Variants in NRG3 observed in about 807,000 individuals in gnomAD.
NRG3 encodes neuregulin 3, also known as pro-neuregulin-3, membrane-bound isoform.
Under a neutral mutation model 66.9 loss-of-function variants are expected in NRG3, and 31 were observed. The observed-to-expected ratio is 0.46, with a 90% confidence interval of 0.35 to 0.63. NRG3 has a LOEUF of 0.63. Ranked by LOEUF, NRG3 falls within the 20% of genes least tolerant of loss-of-function variation. The pLI is 0.00. For synonymous variants in NRG3, 393 were observed against 359.4 expected (o/e 1.09, Z -1.06); for missense variants, 910 against 878.9 (o/e 1.04, Z -0.45).
intron 1 of NRG3, among the ~76,000 whole-genome samples, chr10:82,171,483 G>A (rs1379252480): frequency 6.6e-6 from 1 of 152,110 alleles, no homozygotes; most frequent in South Asian, 2.1e-4. Context: ...ATAAATGGGA[G>A]TATGATGGAA....
chr10:81,987,228 G>C (rs891650850), intron 1 of NRG3, among the ~76,000 whole-genome samples: 4 of 152,002 alleles, frequency 2.6e-5, no homozygotes, highest in African/African-American at 9.7e-5. Flanking sequence ...GGGACTACAG[G>C]CGCACGCCAC....
chr10:82,935,317 T>C (rs1307292174), intron 4 of NRG3, among the ~76,000 whole-genome samples: 1 of 152,234 alleles, frequency 6.6e-6, no homozygotes, highest in African/African-American at 2.4e-5. Flanking sequence ...GATTTCTTCT[T>C]TCTTTCTTTG....
intron 2 of NRG3, among the ~76,000 whole-genome samples, chr10:82,441,187 G>A (rs1276399490): frequency 6.6e-6 from 1 of 152,124 alleles, no homozygotes; most frequent in African/African-American, 2.4e-5. Context: ...AAGAAATCAG[G>A]TCCACACGAA....
At chr10:82,452,003 A>G (rs1464740311) in intron 2 of NRG3, among the ~76,000 whole-genome samples, 3 of 152,208 alleles carry the variant, frequency 2.0e-5, no homozygotes, top group Admixed American at 2.0e-4. Context: ...TAGGATTCAT[A>G]TCTCTTCTAT....
chr10:82,788,015 G>A (rs2060439980), intron 3 of NRG3, among the ~76,000 whole-genome samples: 1 of 152,158 alleles, frequency 6.6e-6, no homozygotes, highest in Admixed American at 6.5e-5. Flanking sequence ...TCCTTTATGA[G>A]TTTTAAGAAT....
At chr10:82,777,275 G>T (rs2059945915) in intron 3 of NRG3, among the ~76,000 whole-genome samples, 1 of 152,096 alleles carries the variant, frequency 6.6e-6, no homozygotes, top group Admixed American at 6.6e-5. Flanking sequence ...ATGGTTCTTG[G>T]TGATAAGGGC....
intron 3 of NRG3, among the ~76,000 whole-genome samples, chr10:82,856,642 G>A (rs575352666): frequency 6.7e-6 from 1 of 150,354 alleles, no homozygotes; most frequent in African/African-American, 2.4e-5. Context: ...TACTTGGGGG[G>A]CTGAGACAGG....
intron 1 of NRG3, among the ~76,000 whole-genome samples, chr10:82,048,701 A>G (rs2063437465): frequency 1.3e-5 from 2 of 152,030 alleles, no homozygotes; most frequent in Non-Finnish European, 2.9e-5. Flanking sequence ...TAGAAAAGCA[A>G]GAGCGAACAC....
chr10:82,617,122 AC>A (rs1238928899), intron 2 of NRG3, among the ~76,000 whole-genome samples: 3 of 151,874 alleles, frequency 2.0e-5, no homozygotes, highest in Non-Finnish European at 4.4e-5. Context: ...AACCTTGAAG[AC>A]CCTCCACATA....
chr10:82,983,564 G>GTGA (rs1481433489), intron 8 of NRG3, among the ~76,000 whole-genome samples: 1 of 152,116 alleles, frequency 6.6e-6, no homozygotes, highest in Non-Finnish European at 1.5e-5. Flanking sequence ...AATTCTCTGT[G>GTGA]TGACACATAC....
chr10:82,782,440 T>C (rs1047832781), intron 3 of NRG3, among the ~76,000 whole-genome samples: 1 of 151,970 alleles, frequency 6.6e-6, no homozygotes, highest in Non-Finnish European at 1.5e-5. Flanking sequence ...AAGAAATATT[T>C]GTTCTTTATA....
chr10:82,579,364 G>C (rs1020293518), intron 2 of NRG3, among the ~76,000 whole-genome samples: 4 of 151,874 alleles, frequency 2.6e-5, no homozygotes, highest in Non-Finnish European at 5.9e-5. Context: ...ATGTAATTCA[G>C]TTAAATACTG....
intron 1 of NRG3, among the ~76,000 whole-genome samples, chr10:82,129,014 G>A (rs754843017): frequency 2.6e-5 from 4 of 151,898 alleles, no homozygotes; most frequent in Non-Finnish European, 5.9e-5. Flanking sequence ...TCGGGTTCAA[G>A]CGATTCTCCT....
chr10:81,948,655 A>C (rs1179502975), intron 1 of NRG3, among the ~76,000 whole-genome samples: 1 of 152,182 alleles, frequency 6.6e-6, no homozygotes, highest in East Asian at 1.9e-4. Context: ...CAGGCTGTGA[A>C]TCCTAACACT....
At chr10:82,066,467 A>T (rs778901138) in intron 1 of NRG3, among the ~76,000 whole-genome samples, 31 of 152,066 alleles carry the variant, frequency 2.0e-4, no homozygotes, top group Non-Finnish European at 4.1e-4. Context: ...TTTCTGTTTT[A>T]CTTATGGTTA....
At chr10:82,717,278 A>T (rs895450289) in intron 2 of NRG3, among the ~76,000 whole-genome samples, 1 of 151,626 alleles carries the variant, frequency 6.6e-6, no homozygotes, top group African/African-American at 2.4e-5. Flanking sequence ...AGTGATCATG[A>T]CTTTGGAATA....
chr10:82,482,893 A>C lies in NRG3; in HGVS notation c.953+124025A>C, dbSNP rs146002153. ...TGGGGGCAAATGAGAGAGAGTCATA[A>C]ATACAGAGTCTGAGTGAACCAAAAT... On this transcript the variant is annotated intron_variant, in intron 2 of 8. Transcript: ENST00000372141. 4.2e-3 allele frequency among the ~76,000 whole-genome samples: 638 copies of C among 152,276 alleles called. 6 individuals are homozygous for C. The highest frequency in any genetic ancestry group is 0.014 in the African/African-American group (584 of 41,558).
chr10:82,680,872 GC>G (rs747662107), intron 2 of NRG3, among the ~76,000 whole-genome samples: 14 of 152,296 alleles, frequency 9.2e-5, no homozygotes, highest in South Asian at 6.2e-4. Context: ...TCCAATCCCT[GC>G]CTGAAAGCTC....
chr10:82,381,848 A>G (rs2085639252), intron 2 of NRG3, among the ~76,000 whole-genome samples: 1 of 152,150 alleles, frequency 6.6e-6, no homozygotes, highest in South Asian at 2.1e-4. Flanking sequence ...CAGCAAGGCC[A>G]CTACTGATGA....
Sources: allele counts gnomAD v4.1 joint callset (sites outside exome capture counted in the v4.1 genomes callset), GRCh38; gene constraint gnomAD v4.1.1; transcripts MANE v1.5; gene names NCBI Gene and HGNC (gene_info 2026-07-23, HGNC 2026-07-21).